Variants in TATDN1 observed in about 807,000 individuals in gnomAD.
TATDN1 encodes TatD DNase domain containing 1.
Under a neutral mutation model 46.4 loss-of-function variants are expected in TATDN1, and 40 were observed. That is an observed-to-expected ratio of 0.86 (90% CI 0.67 to 1.12). The LOEUF is 1.12. Ranked by LOEUF, TATDN1 falls within the 50% of genes most tolerant of loss-of-function variation. TATDN1 has a pLI of 0.00. For missense variants in TATDN1, 326 were observed against 348.4 expected, an observed-to-expected ratio of 0.94 and a Z score of 0.51; for synonymous variants, 95 against 105.6, an observed-to-expected ratio of 0.90 and a Z score of 0.62.
chr8:124,521,317 AGT>A lies in TATDN1; in HGVS notation c.138+832_138+833del, dbSNP rs1031582368. On this transcript the variant is annotated intron_variant, in intron 3 of 11. Coordinates refer to ENST00000276692, the MANE Select transcript of TATDN1 (RefSeq NM_032026.4). ...AATCACTTCAGTTCTGTCATTCCTA[AGT>A]GTGTGTGTGTGAATAAACATTAAGA... Among the ~76,000 whole-genome samples, 431 of 152,150 alleles carry A rather than the reference AGT, an allele frequency of 2.8e-3. 1 individual carries two copies. Among genetic ancestry groups the A allele is most frequent in the African/African-American group, 9.7e-3 (403 of 41,518 alleles).
At chr8:124,521,933 A>C (rs1298206967) in intron 3 of TATDN1, 1 of 375,946 alleles carries the variant, frequency 2.7e-6, no homozygotes, top group African/African-American at 2.1e-5. Flanking sequence ...TTTGCCATTT[A>C]TCATATATAA....
At chr8:124,534,390 T>C (rs1237395550) in intron 1 of TATDN1, among the ~76,000 whole-genome samples, 1 of 152,206 alleles carries the variant, frequency 6.6e-6, no homozygotes, top group African/African-American at 2.4e-5. Flanking sequence ...ATACTGTCTA[T>C]CACCTGCTTT....
Position 124,495,557 on chromosome 8 carries a change from T to C in TATDN1, c.594-15A>G, listed in dbSNP as rs748948790. On this transcript the variant is annotated splice_polypyrimidine_tract_variant and intron_variant, in intron 9 of 11. Coordinates refer to ENST00000276692, the MANE Select transcript of TATDN1 (RefSeq NM_032026.4). ...TTTTCAGTGAGCTTAAAAAAAAGTG[T>C]ATATTTATTTTAAAAGGCAGCAATT... 2 of 1,576,824 alleles carry C rather than the reference T, an allele frequency of 1.3e-6. No individual in the cohort carries two copies. Among genetic ancestry groups the C allele is most frequent in the South Asian group, 1.2e-5 (1 of 85,830 alleles).
chr8:124,523,078 A>G, intron 1 of TATDN1, 76 bp from the exon 2 acceptor site: 1 of 1,360,520 alleles, frequency 7.4e-7, no homozygotes, highest in Non-Finnish European at 1.0e-6. Flanking sequence ...AGCTTCTGTT[A>G]CTAAACTTTT....
intron 6 of TATDN1, among the ~76,000 whole-genome samples, chr8:124,515,238 G>A (rs1450522595): frequency 2.6e-5 from 4 of 152,042 alleles, no homozygotes; most frequent in East Asian, 3.9e-4. Context: ...AAAATTAGCC[G>A]GGCATGGTGG....
intron 6 of TATDN1, among the ~76,000 whole-genome samples, chr8:124,511,221 ACTAT>A (rs1401567905): frequency 6.6e-6 from 1 of 152,194 alleles, no homozygotes; most frequent in African/African-American, 2.4e-5. Context: ...TTGAGGTTTA[ACTAT>A]CTAACGACAA....
At chr8:124,491,548 C>T (rs543165574) in intron 11 of TATDN1, 1 of 152,352 alleles carries the variant, frequency 6.6e-6, no homozygotes, top group Admixed American at 6.5e-5. Flanking sequence ...TGGACTCTGT[C>T]TGCTTATGTG....
In TATDN1 at chr8:124,488,584, C is replaced by T. The variant is rs540460931; in HGVS notation, c.*10G>A. On this transcript the variant is annotated 3_prime_UTR_variant, in exon 12 of 12. Coordinates refer to ENST00000276692, the MANE Select transcript of TATDN1 (RefSeq NM_032026.4). The stretch of plus-strand genomic sequence containing the variant: ...TACATACATGATGGAAAGTGGAAGA[C>T]ATATACCAATTATATTCCAGGAAAA... 1 of 1,331,662 alleles carries T rather than the reference C, an allele frequency of 7.5e-7. No homozygotes were observed. The highest frequency in any genetic ancestry group is 1.5e-5 in the African/African-American group (1 of 68,768). 82.5% of individuals were successfully genotyped at this position (1,331,662 alleles called of 1,614,324 possible).
chr8:124,517,786 T>C (rs1382732312), intron 4 of TATDN1, among the ~76,000 whole-genome samples: 1 of 152,156 alleles, frequency 6.6e-6, no homozygotes. Context: ...TCCTGGTACC[T>C]TGCACAGTAT....
chr8:124,510,873 G>T (rs1272796246), intron 6 of TATDN1, among the ~76,000 whole-genome samples: 1 of 152,038 alleles, frequency 6.6e-6, no homozygotes, highest in Non-Finnish European at 1.5e-5. Flanking sequence ...TGGGCCCACA[G>T]AATTTTACAT....
chr8:124,534,149 A>C (rs1821228060), intron 1 of TATDN1, among the ~76,000 whole-genome samples: 1 of 78,400 alleles, frequency 1.3e-5, no homozygotes, highest in Admixed American at 1.5e-4. Context: ...CCGTCTCAAA[A>C]AAAAAAAAAA....
intron 6 of TATDN1, among the ~76,000 whole-genome samples, chr8:124,513,096 A>G (rs543926965): frequency 1.3e-5 from 2 of 152,090 alleles, no homozygotes; most frequent in Non-Finnish European, 2.9e-5. Context: ...TGTTTTTAGT[A>G]GAGACGGGGT....
At chr8:124,495,253 G>C (rs1378191840) in intron 10 of TATDN1, 6 of 533,208 alleles carry the variant, frequency 1.1e-5, no homozygotes, top group Non-Finnish European at 2.0e-5. Flanking sequence ...CATTTTCTAA[G>C]TGCTTAGACA....
At chr8:124,527,799 C>T (rs369111390) in intron 1 of TATDN1, among the ~76,000 whole-genome samples, 1 of 151,234 alleles carries the variant, frequency 6.6e-6, no homozygotes, top group East Asian at 1.9e-4. Context: ...GGCTATCTGT[C>T]CCAGATCCAT....
At chr8:124,533,873 G>A (rs1054042511) in intron 1 of TATDN1, among the ~76,000 whole-genome samples, 5 of 152,122 alleles carry the variant, frequency 3.3e-5, no homozygotes, top group African/African-American at 4.8e-5. Flanking sequence ...GTGGCAGGGC[G>A]CGATGGCTCA....
At chr8:124,537,788 C>G (rs1267338676) in intron 1 of TATDN1, among the ~76,000 whole-genome samples, 1 of 152,140 alleles carries the variant, frequency 6.6e-6, no homozygotes, top group Non-Finnish European at 1.5e-5. Context: ...AACCCCTACT[C>G]CAGGCTTTCC....
At chr8:124,511,287 C>T (rs547709567) in intron 6 of TATDN1, among the ~76,000 whole-genome samples, 2 of 152,128 alleles carry the variant, frequency 1.3e-5, no homozygotes, top group Non-Finnish European at 2.9e-5. Flanking sequence ...AGGATCAAGG[C>T]AAATCCAAAA....
intron 1 of TATDN1, among the ~76,000 whole-genome samples, chr8:124,537,969 A>G (rs1821619869): frequency 6.6e-6 from 1 of 152,100 alleles, no homozygotes; most frequent in Non-Finnish European, 1.5e-5. Context: ...TACTGCTTAA[A>G]TAACTCTCAG....
intron 6 of TATDN1, among the ~76,000 whole-genome samples, chr8:124,511,558 A>C (rs1466084836): frequency 6.6e-6 from 1 of 152,204 alleles, no homozygotes; most frequent in Admixed American, 6.5e-5. Context: ...GTGTAGCATA[A>C]GGCCAGGAAA....
Sources: gnomAD v4.1 joint callset for allele counts (sites outside exome capture counted in the v4.1 genomes callset) on GRCh38, gnomAD v4.1.1 for gene constraint, MANE v1.5 for transcripts, NCBI Gene and HGNC (gene_info 2026-07-23, HGNC 2026-07-21) for gene names.